The following GTF2H1 variants were observed in gnomAD, a reference collection of about 807,000 sequenced individuals.
The protein encoded by GTF2H1 is BTF2 p62.
In GTF2H1, 16 loss-of-function variants were observed where a neutral mutation model predicts 71.2. The ratio of observed to expected loss-of-function variants is 0.22; its 90% CI spans 0.15 to 0.34. The LOEUF is 0.34. Among genes scored for constraint, GTF2H1 ranks in the 10% least tolerant of loss-of-function variants. The probability of loss-of-function intolerance (pLI) is 1.00; values close to 1 mark genes in which losing one functional copy is unlikely to be tolerated. For synonymous variants in GTF2H1, 215 were observed against 219.0 expected (o/e 0.98, Z 0.16); for missense variants, 498 against 648.2 (o/e 0.77, Z 2.52).
chr11:18,347,297 G>T, intron 7 of GTF2H1: 1 of 196,206 alleles, frequency 5.1e-6, no homozygotes, highest in South Asian at 1.2e-4. Flanking sequence ...TCACTTGAAT[G>T]CAGGAGGCGA....
At chr11:18,357,641 G>A (rs576569672) in intron 11 of GTF2H1, among the ~76,000 whole-genome samples, 1 of 152,292 alleles carries the variant, frequency 6.6e-6, no homozygotes, top group East Asian at 1.9e-4. Context: ...TACCTTCAGT[G>A]GTAAGAGTTC....
rs1565023564 is a variant in GTF2H1, at chr11:18,366,380, C to G, written c.*511C>G. The G allele has an allele frequency of 6.6e-6, 1 of 152,626 alleles. No individual in the cohort carries two copies. The allele number at this position is 152,626 out of a possible 1,614,324, so 9.5% of individuals were successfully genotyped here. A position where few individuals can be genotyped will look rare whatever the true frequency, so the allele number is the denominator to read the frequency against. On this transcript the variant is annotated 3_prime_UTR_variant, in exon 15 of 15. Transcript: ENST00000265963. The stretch of plus-strand genomic sequence containing the variant: ...CATTCTTCACCCTCCATTGGATCCT[C>G]AAGTTTTAATGAATTCCAATTATAC...
intron 9 of GTF2H1, among the ~76,000 whole-genome samples, chr11:18,349,388 T>A (rs143077355): frequency 2.6e-5 from 4 of 152,226 alleles, no homozygotes; most frequent in Non-Finnish European, 5.9e-5. Context: ...GAACAAGTTA[T>A]CAGAAATTTC....
Position 18,338,236 on chromosome 11 carries a change from A to C in GTF2H1, c.475A>C (p.Asn159His). 1 of 1,609,962 alleles carries C rather than the reference A, an allele frequency of 6.2e-7. No homozygotes were observed. The highest frequency in any genetic ancestry group is 8.5e-7 in the Non-Finnish European group (1 of 1,176,204). The change falls in exon 4 of 15, where the codon AAT becomes CAT. Residue 159 changes from asparagine to histidine, a missense_variant. Transcript: ENST00000265963. ...TGCAACAGATAGTTCTTCCACATCC[A>C]ATCATAAGCAGGATGTTGGCATTTC... The part of the protein sequence containing the change: ...VNATDSSSTS[N>H]HKQDVGISAA...
At position 18,365,954 on chromosome 11, in the gene GTF2H1, A is replaced by T. The variant is rs1284771279; in HGVS notation, c.*85A>T. The T allele has an allele frequency of 9.4e-6, 8 of 849,480 alleles. No homozygotes were observed. Among genetic ancestry groups the T allele is most frequent in the Non-Finnish European group, 1.6e-5 (8 of 506,920 alleles). 52.6% of individuals were successfully genotyped at this position (849,480 alleles called of 1,614,324 possible). ...TGGAAACCTGGCCTGACAGACAAGCAGATGACCTCACAGGAGTGATAAGAA... is the reference window on the plus strand; with the variant it reads ...TGGAAACCTGGCCTGACAGACAAGCTGATGACCTCACAGGAGTGATAAGAA... On this transcript the variant is annotated 3_prime_UTR_variant, in exon 15 of 15. Transcript: ENST00000265963.
At chr11:18,359,618 C>G (rs1450035182) in intron 13 of GTF2H1, among the ~76,000 whole-genome samples, 2 of 152,190 alleles carry the variant, frequency 1.3e-5, no homozygotes, top group East Asian at 3.9e-4. Context: ...CTACCACTCT[C>G]TAAGATAGAG....
At chr11:18,349,818 C>T (rs1454117509) in intron 9 of GTF2H1, among the ~76,000 whole-genome samples, 1 of 152,164 alleles carries the variant, frequency 6.6e-6, no homozygotes, top group Non-Finnish European at 1.5e-5. Context: ...TTGAATACAC[C>T]TAATGTATGG....
At chr11:18,356,131 C>G (rs1353441013) in intron 11 of GTF2H1, among the ~76,000 whole-genome samples, 1 of 152,132 alleles carries the variant, frequency 6.6e-6, no homozygotes, top group African/African-American at 2.4e-5. Flanking sequence ...CACCTATAGT[C>G]CCAGCACTTT....
chr11:18,336,554 C>T (rs1376615572), intron 3 of GTF2H1, among the ~76,000 whole-genome samples: 1 of 152,152 alleles, frequency 6.6e-6, no homozygotes, highest in Admixed American at 6.6e-5. Context: ...CGAGAATGTG[C>T]AAACCCAGAA....
rs75644482 is a variant in GTF2H1 at position 18,345,796 on chromosome 11, G to GTCTTTTTTTTTTTT, written c.838-1791_838-1790insCTTTTTTTTTTTTT. Among the ~76,000 whole-genome samples the GTCTTTTTTTTTTTT allele has an allele frequency of 1.0e-4, 13 of 125,212 alleles. 4 individuals are homozygous for GTCTTTTTTTTTTTT. The highest frequency in any genetic ancestry group is 2.6e-4 in the South Asian group (1 of 3,894). 82.1% of individuals were successfully genotyped at this position (125,212 alleles called of 152,430 possible). A position where few individuals can be genotyped will look rare whatever the true frequency, so the allele number is the denominator to read the frequency against. On this transcript the variant is annotated intron_variant, in intron 7 of 14. Transcript: ENST00000265963. ...GAGCCACCACACCCAGCACATATGA[G>GTCTTTTTTTTTTTT]TTTTTTTTTTTTTGAGACGGAGTCT...
intron 2 of GTF2H1, among the ~76,000 whole-genome samples, chr11:18,335,026 C>T (rs185332567): frequency 2.3e-4 from 35 of 152,206 alleles, no homozygotes; most frequent in African/African-American, 8.4e-4. Flanking sequence ...TAGTCCCTTT[C>T]AGGGTATAGC....
At chr11:18,363,755 A>G (rs2133994579) in intron 14 of GTF2H1, among the ~76,000 whole-genome samples, 1 of 152,218 alleles carries the variant, frequency 6.6e-6, no homozygotes, top group Non-Finnish European at 1.5e-5. Context: ...AATTGATTAT[A>G]ACTGCTTGGA....
chr11:18,343,533 T>C (rs1865211828), intron 7 of GTF2H1, among the ~76,000 whole-genome samples: 1 of 152,134 alleles, frequency 6.6e-6, no homozygotes, highest in African/African-American at 2.4e-5. Context: ...CCTGAATGCA[T>C]TCTCTCTATT....
At chr11:18,346,509 A>G (rs867761014) in intron 7 of GTF2H1, among the ~76,000 whole-genome samples, 5 of 152,122 alleles carry the variant, frequency 3.3e-5, no homozygotes, top group Admixed American at 1.3e-4. Flanking sequence ...TTAAGCTCCT[A>G]TGGCATGGGG....
chr11:18,324,807 A>G lies in GTF2H1; in HGVS notation c.-16+2067A>G, dbSNP rs577419302. Among the ~76,000 whole-genome samples the G allele has an allele frequency of 5.3e-5, 8 of 152,272 alleles. No homozygotes were observed. In the East Asian group the frequency reaches 1.5e-3, roughly 29 times the overall value. On this transcript the variant is annotated intron_variant, in intron 1 of 14. Transcript: ENST00000265963. ...TAATATACTCTTGTCAGCATGCAGT[A>G]TTTATTAATGGATATGAGCATATTT...
At chr11:18,325,640 G>A (rs1205998528) in intron 1 of GTF2H1, among the ~76,000 whole-genome samples, 2 of 151,968 alleles carry the variant, frequency 1.3e-5, no homozygotes, top group Admixed American at 1.3e-4. Flanking sequence ...AAAATAATAG[G>A]AGACTTTAGC....
intron 9 of GTF2H1, among the ~76,000 whole-genome samples, chr11:18,350,391 CA>C (rs1865396761): frequency 1.3e-5 from 2 of 151,608 alleles, no homozygotes; most frequent in African/African-American, 2.4e-5. Flanking sequence ...ATGAAGACAT[CA>C]GTAATCCTTG....
At chr11:18,343,000 C>T (rs1240220496) in intron 7 of GTF2H1, among the ~76,000 whole-genome samples, 2 of 152,192 alleles carry the variant, frequency 1.3e-5, no homozygotes, top group African/African-American at 4.8e-5. Context: ...CGGCTCACTG[C>T]AACCTCTACC....
chr11:18,350,052 C>T (rs367599665), intron 9 of GTF2H1, among the ~76,000 whole-genome samples: 1 of 152,184 alleles, frequency 6.6e-6, no homozygotes, highest in Non-Finnish European at 1.5e-5. Flanking sequence ...TTGAAAAATT[C>T]CAAGTCAAAC....
Sources: allele counts gnomAD v4.1 joint callset (sites outside exome capture counted in the v4.1 genomes callset), GRCh38; gene constraint gnomAD v4.1.1; transcripts MANE v1.5; gene names NCBI Gene and HGNC (gene_info 2026-07-23, HGNC 2026-07-21).